Variants in NAALADL2 observed in about 807,000 individuals in gnomAD.
NAALADL2 encodes N-acetylated alpha-linked acidic dipeptidase like 2.
NAALADL2 carries 76 observed loss-of-function variants against 87.2 expected under a neutral mutation model. The observed-to-expected ratio is 0.87, with a 90% CI of 0.72 to 1.05. The LOEUF is 1.05. NAALADL2 is among the 50% of genes least tolerant of loss of function. NAALADL2 has a pLI of 0.00. For missense variants in NAALADL2, 1,089 were observed against 945.8 expected (o/e 1.15, Z -1.99); for synonymous variants, 354 against 331.0 (o/e 1.07, Z -0.75).
chr3:174,640,399 C>T (rs1183300521), intron 2 of NAALADL2, among the ~76,000 whole-genome samples: 1 of 152,150 alleles, frequency 6.6e-6, no homozygotes, highest in Non-Finnish European at 1.5e-5. Context: ...CTCCAGCTGT[C>T]TATGATATCT....
At chr3:174,804,093 A>G (rs577740384) in intron 3 of NAALADL2, among the ~76,000 whole-genome samples, 3 of 152,202 alleles carry the variant, frequency 2.0e-5, no homozygotes, top group East Asian at 3.9e-4. Flanking sequence ...GATTCTTCCT[A>G]TTCATGAGCA....
intron 13 of NAALADL2, among the ~76,000 whole-genome samples, chr3:175,756,678 G>A (rs929720300): frequency 9.2e-5 from 14 of 152,128 alleles, no homozygotes; most frequent in African/African-American, 2.6e-4. Flanking sequence ...AAGAGGGAGA[G>A]TTGAAAAGTT....
chr3:175,087,765 C>T (rs1719314083), intron 1 of NAALADL2, among the ~76,000 whole-genome samples: 1 of 152,006 alleles, frequency 6.6e-6, no homozygotes, highest in South Asian at 2.1e-4. Context: ...GGGACACAAA[C>T]ACTGCAAAAG....
chr3:174,657,796 C>G (rs1391044172), intron 2 of NAALADL2, among the ~76,000 whole-genome samples: 1 of 152,138 alleles, frequency 6.6e-6, no homozygotes, highest in Non-Finnish European at 1.5e-5. Context: ...ATTTCCCTTT[C>G]CTTTTAACCC....
At chr3:174,657,353 C>T (rs1041969889) in intron 2 of NAALADL2, among the ~76,000 whole-genome samples, 9 of 152,006 alleles carry the variant, frequency 5.9e-5, no homozygotes, top group Admixed American at 5.9e-4. Flanking sequence ...GACGGGGCTT[C>T]ACCATGTTGG....
At chr3:175,151,567 G>A (rs1054465964) in intron 2 of NAALADL2, among the ~76,000 whole-genome samples, 2 of 152,118 alleles carry the variant, frequency 1.3e-5, no homozygotes, top group African/African-American at 4.8e-5. Context: ...ATGTAGGTCA[G>A]ACTCTCTGTG....
chr3:175,726,778 A>T (rs1742985829), intron 11 of NAALADL2, among the ~76,000 whole-genome samples: 1 of 151,994 alleles, frequency 6.6e-6, no homozygotes, highest in Admixed American at 6.6e-5. Flanking sequence ...TAAACTGGAG[A>T]TGGTGTGATC....
At chr3:175,775,121 ATTACCCCAACTGTGG>A (rs899274292) in intron 13 of NAALADL2, 2 of 144,264 alleles carry the variant, frequency 1.4e-5, no homozygotes, top group African/African-American at 5.2e-5. Context: ...GAAATTCTCC[ATTACCCCAACTGTGG>A]TTGGTGATGT....
At chr3:174,503,662 C>A (rs921529626) in intron 1 of NAALADL2, among the ~76,000 whole-genome samples, 1 of 151,968 alleles carries the variant, frequency 6.6e-6, no homozygotes, top group African/African-American at 2.4e-5. Flanking sequence ...GCTATGCATG[C>A]AATTTATTCT....
At position 174,530,069 on chromosome 3, in the gene NAALADL2, A is replaced by G. The variant is rs189118294; in HGVS notation, c.-183-20500A>G. Among the ~76,000 whole-genome samples the G allele has an allele frequency of 1.2e-3, 186 of 152,254 alleles. 1 individual carries two copies. Among genetic ancestry groups the G allele is most frequent in the African/African-American group, 4.3e-3 (177 of 41,548 alleles). ...TTTTCTATCGCATTGTCAGGCTGCA[A>G]ATGTTCCATACTTTTATGGTTTGTT... is the stretch of plus-strand genomic sequence containing the variant. On this transcript the variant is annotated intron_variant, in intron 1 of 3. Coordinates refer to the NAALADL2 transcript ENST00000434257.
chr3:174,710,441 A>G (rs1412409152), intron 2 of NAALADL2, among the ~76,000 whole-genome samples: 2 of 151,886 alleles, frequency 1.3e-5, no homozygotes, highest in African/African-American at 4.8e-5. Context: ...TTTAGTAGAG[A>G]CGGGATTTCT....
intron 1 of NAALADL2, among the ~76,000 whole-genome samples, chr3:174,531,171 A>G (rs1283413281): frequency 6.6e-6 from 1 of 151,930 alleles, no homozygotes; most frequent in African/African-American, 2.4e-5. Flanking sequence ...TGCATGGTGT[A>G]TGTTTCTATT....
At chr3:175,283,339 T>C (rs777831891) in intron 4 of NAALADL2, among the ~76,000 whole-genome samples, 2 of 152,060 alleles carry the variant, frequency 1.3e-5, no homozygotes, top group Non-Finnish European at 2.9e-5. Context: ...CAGGATACCA[T>C]TGTATTTGCT....
chr3:174,832,544 C>T (rs998399256), intron 3 of NAALADL2, among the ~76,000 whole-genome samples: 2 of 152,138 alleles, frequency 1.3e-5, no homozygotes, highest in Admixed American at 6.5e-5. Flanking sequence ...TCACTGCAAG[C>T]TCTGCCTCCC....
chr3:174,985,679 G>A lies in NAALADL2; in HGVS notation c.44-111111G>A, dbSNP rs529089951. 8.5e-5 allele frequency among the ~76,000 whole-genome samples: 13 copies of A among 152,268 alleles called. No homozygotes were observed. In the South Asian group the frequency reaches 1.9e-3, roughly 22 times the overall value. ...AGTTCTTAAAAAGGGTAGGTTGGGC[G>A]CAATGGCTCACACCTGTAATCCCAA... On this transcript the variant is annotated intron_variant, in intron 1 of 13. Transcript: ENST00000454872.
At chr3:174,899,950 T>A (rs754080225) in intron 1 of NAALADL2, among the ~76,000 whole-genome samples, 4 of 152,024 alleles carry the variant, frequency 2.6e-5, no homozygotes, top group African/African-American at 9.7e-5. Flanking sequence ...GCAAGATAAG[T>A]GTAGGTTCTT....
chr3:174,485,190 G>A (rs1251212420), intron 1 of NAALADL2, among the ~76,000 whole-genome samples: 2 of 151,830 alleles, frequency 1.3e-5, no homozygotes, highest in African/African-American at 4.8e-5. Flanking sequence ...ATGAAGTATA[G>A]CAACTATTCA....
intron 1 of NAALADL2, among the ~76,000 whole-genome samples, chr3:174,861,168 T>C (rs1167584573): frequency 1.3e-5 from 2 of 152,110 alleles, no homozygotes; most frequent in Non-Finnish European, 2.9e-5. Context: ...CATGTTTAAA[T>C]GTATCCTTGG....
At chr3:175,067,873 A>G (rs997531108) in intron 1 of NAALADL2, among the ~76,000 whole-genome samples, 7 of 152,176 alleles carry the variant, frequency 4.6e-5, no homozygotes, top group Non-Finnish European at 8.8e-5. Context: ...GATAAAGAAA[A>G]TGTGGTATAT....
Sources: gnomAD v4.1 joint callset for allele counts (sites outside exome capture counted in the v4.1 genomes callset) on GRCh38, gnomAD v4.1.1 for gene constraint, MANE v1.5 for transcripts, NCBI Gene and HGNC (gene_info 2026-07-23, HGNC 2026-07-21) for gene names.